Variants in SASH1 observed in about 807,000 individuals in gnomAD.
SASH1 encodes the protein SAM and SH3 domain-containing protein 1.
Under a neutral mutation model 125.2 loss-of-function variants are expected in SASH1, and 44 were observed. The ratio of observed to expected loss-of-function variants is 0.35; its 90% confidence interval spans 0.28 to 0.45. The LOEUF (loss-of-function observed/expected upper bound fraction) is 0.45. Among genes scored for constraint, SASH1 ranks in the 20% least tolerant of loss-of-function variants. The pLI is 1.00. For missense variants in SASH1, 1,426 were observed against 1,614.5 expected (o/e 0.88, Z 2.00); for synonymous variants, 639 against 649.1 (o/e 0.98, Z 0.24).
chr6:148,339,539 GATATCTATATAA>G (rs1781263872), upstream of SASH1, among the ~76,000 whole-genome samples: 1 of 150,836 alleles, frequency 6.6e-6, no homozygotes, highest in South Asian at 2.1e-4. Flanking sequence ...TATAAATATA[GATATCTATATAA>G]ATATCTATAT....
At position 148,324,069 on chromosome 6, in the gene SASH1, G is replaced by A. The variant is rs1483036331; in HGVS notation, n.74+51692G>A. ...CGGGAGGCGGAGGTTGCAGGGAGCC[G>A]AGGTCATGCCACTGCACGCCAGCGT... is the stretch of plus-strand genomic sequence containing the variant. On this transcript the variant is annotated intron_variant and non_coding_transcript_variant, in intron 1 of 3. Transcript: ENST00000367469. Among the ~76,000 whole-genome samples the A allele has an allele frequency of 5.3e-5, 7 of 131,538 alleles. No individual in the cohort carries two copies. In the East Asian group the frequency reaches 7.5e-4, roughly 14 times the overall value. 86.3% of individuals were successfully genotyped at this position (131,538 alleles called of 152,430 possible).
intron 1 of SASH1, among the ~76,000 whole-genome samples, chr6:148,281,303 C>G (rs1028940363): frequency 7.2e-5 from 11 of 151,846 alleles, no homozygotes; most frequent in Non-Finnish European, 1.5e-4. Flanking sequence ...GAAACAACAG[C>G]CTGGAGATTC....
chr6:148,261,048 G>A, the SASH1 span, among the ~76,000 whole-genome samples: 1 of 151,998 alleles, frequency 6.6e-6, no homozygotes, highest in African/African-American at 2.4e-5. Context: ...CAGGTGATCT[G>A]CCAGCCTCAG....
At chr6:148,446,721 G>A (rs542891684) in intron 4 of SASH1, among the ~76,000 whole-genome samples, 1 of 152,290 alleles carries the variant, frequency 6.6e-6, no homozygotes, top group East Asian at 1.9e-4. Context: ...CTTATTATGT[G>A]CCAGGAACTG....
At chr6:148,420,544 A>C (rs1296360673) in intron 2 of SASH1, among the ~76,000 whole-genome samples, 1 of 152,206 alleles carries the variant, frequency 6.6e-6, no homozygotes, top group Non-Finnish European at 1.5e-5. Flanking sequence ...CAGGGAGTTT[A>C]CATGCCACTG....
At chr6:148,350,351 A>G (rs1781685911) in intron 1 of SASH1, among the ~76,000 whole-genome samples, 1 of 152,240 alleles carries the variant, frequency 6.6e-6, no homozygotes, top group Admixed American at 6.5e-5. Context: ...ATATTTGTAT[A>G]CCTGTCTCTC....
intron 1 of SASH1, among the ~76,000 whole-genome samples, chr6:148,290,463 G>A (rs545952023): frequency 7.6e-4 from 116 of 151,858 alleles, no homozygotes; most frequent in African/African-American, 2.2e-3. Flanking sequence ...AAAATTAGCC[G>A]GGCGTGGTGG....
intron 1 of SASH1, among the ~76,000 whole-genome samples, chr6:148,313,197 G>T (rs573037740): frequency 1.3e-5 from 2 of 152,248 alleles, no homozygotes; most frequent in Middle Eastern, 3.4e-3. Context: ...GTCCTGATTT[G>T]GACATACTAT....
intron 4 of SASH1, among the ~76,000 whole-genome samples, chr6:148,444,406 C>T (rs1043884051): frequency 6.6e-6 from 1 of 152,180 alleles, no homozygotes; most frequent in Admixed American, 6.5e-5. Context: ...GGCATCTCAG[C>T]ATCTATTGTG....
chr6:148,267,099 A>G, the SASH1 span, among the ~76,000 whole-genome samples: 52 of 152,310 alleles, frequency 3.4e-4, 1 homozygote, highest in East Asian at 9.4e-3. Context: ...AGGAAAGATA[A>G]TAACCAACTC....
At chr6:148,213,505 G>GGTGTGTGTGTGTGT in the SASH1 span, among the ~76,000 whole-genome samples, 4,195 of 148,408 alleles carry the variant, frequency 0.028, 69 homozygotes, top group East Asian at 0.07. Flanking sequence ...CTAGCCAAAG[G>GGTGTGTGTGTGTGT]GTGTGTGTGT....
At chr6:148,543,271 G>A (rs1782341251) in intron 17 of SASH1, among the ~76,000 whole-genome samples, 3 of 152,154 alleles carry the variant, frequency 2.0e-5, no homozygotes, top group South Asian at 2.1e-4. Context: ...GTGAAATTCA[G>A]TCCAGCTCTC....
intron 1 of SASH1, among the ~76,000 whole-genome samples, chr6:148,320,763 C>T (rs1203730186): frequency 2.0e-5 from 3 of 152,180 alleles, no homozygotes; most frequent in Admixed American, 6.5e-5. Flanking sequence ...GTATTACAGG[C>T]GTGAGCCACC....
At chr6:148,252,162 A>G in the SASH1 span, among the ~76,000 whole-genome samples, 4 of 152,016 alleles carry the variant, frequency 2.6e-5, no homozygotes, top group Admixed American at 2.6e-4. Context: ...CCTCTCGAAA[A>G]CCACAAGGGA....
intron 8 of SASH1, among the ~76,000 whole-genome samples, chr6:148,489,850 C>CTGTGTGTGTG (rs151183028): frequency 0.023 from 3,112 of 136,562 alleles, 92 homozygotes; most frequent in African/African-American, 0.072. Context: ...GCTATATAGG[C>CTGTGTGTGTG]TGTGTGTGTG....
intron 4 of SASH1, among the ~76,000 whole-genome samples, chr6:148,449,940 G>A (rs961573337): frequency 6.6e-6 from 1 of 152,156 alleles, no homozygotes. Context: ...TCAAGAGGGA[G>A]AACTCACTCA....
intron 8 of SASH1, chr6:148,513,335 C>T: frequency 6.1e-6 from 6 of 985,476 alleles, no homozygotes; most frequent in Non-Finnish European, 7.2e-6. Flanking sequence ...TGCTCACCCA[C>T]TGCACAGGGT....
intron 12 of SASH1, among the ~76,000 whole-genome samples, chr6:148,530,757 C>T (rs929189264): frequency 8.5e-5 from 13 of 152,264 alleles, no homozygotes; most frequent in South Asian, 4.1e-4. Flanking sequence ...TGTAGCACCA[C>T]GAATCAAATA....
chr6:148,498,921 T>C (rs1192012065), intron 8 of SASH1, among the ~76,000 whole-genome samples: 1 of 152,212 alleles, frequency 6.6e-6, no homozygotes, highest in Admixed American at 6.5e-5. Context: ...GCACTATTGT[T>C]ATTCGTAAGT....
Sources: allele counts gnomAD v4.1 joint callset (sites outside exome capture counted in the v4.1 genomes callset), GRCh38; gene constraint gnomAD v4.1.1; transcripts MANE v1.5; gene names NCBI Gene and HGNC (gene_info 2026-07-23, HGNC 2026-07-21).